PRKCB: variants seen among roughly 807,000 people sequenced by gnomAD.
PRKCB encodes protein kinase C beta.
PRKCB carries 13 observed loss-of-function variants against 81.5 expected under a neutral mutation model. The ratio of observed to expected loss-of-function variants is 0.16; its 90% confidence interval spans 0.10 to 0.25. The LOEUF (loss-of-function observed/expected upper bound fraction) is 0.25. Among genes scored for constraint, PRKCB ranks in the 10% least tolerant of loss-of-function variants. The probability of loss-of-function intolerance (pLI) is 1.00; values close to 1 mark genes in which losing one functional copy is unlikely to be tolerated. For synonymous variants in PRKCB, 335 were observed against 321.4 expected (o/e 1.04, Z -0.45); for missense variants, 509 against 875.7 (o/e 0.58, Z 5.29).
intron 3 of PRKCB, among the ~76,000 whole-genome samples, chr16:23,990,288 C>A (rs1964867239): frequency 1.3e-5 from 2 of 151,856 alleles, no homozygotes; most frequent in African/African-American, 4.8e-5. Context: ...GAAACCCCGT[C>A]TCTACTAAAA....
At position 24,190,436 on chromosome 16, in the gene PRKCB, T is replaced by G. The variant is rs1012975349; in HGVS notation, c.1723-654T>G. 3.3e-5 allele frequency among the ~76,000 whole-genome samples: 5 copies of G among 152,210 alleles called. No homozygotes were observed. The South Asian group carries it at 6.2e-4, about 19-fold the overall frequency. On this transcript the variant is annotated intron_variant, in intron 15 of 16. Transcript: ENST00000643927. ...AAATGCACTGGTAATTGCACAAAACTTATTCTTAAACCAAAATGGATAAAT... is the reference window on the plus strand; with the variant it reads ...AAATGCACTGGTAATTGCACAAAACGTATTCTTAAACCAAAATGGATAAAT...
intron 2 of PRKCB, among the ~76,000 whole-genome samples, chr16:23,952,759 GAAATGTGTGAAA>G (rs1428936807): frequency 6.6e-6 from 1 of 152,158 alleles, no homozygotes; most frequent in African/African-American, 2.4e-5. Context: ...CAAATAATCT[GAAATGTGTGAAA>G]AAATAGTAAA....
intron 16 of PRKCB, among the ~76,000 whole-genome samples, chr16:24,209,519 G>A (rs548030482): frequency 3.2e-4 from 48 of 152,120 alleles, no homozygotes; most frequent in Admixed American, 2.0e-3. Flanking sequence ...TCTCCTCCTC[G>A]TGTTCCTCTC....
In PRKCB at chr16:24,215,329, G is replaced by C; in HGVS notation, c.*513G>C. 1 of 986,090 alleles carries C rather than the reference G, an allele frequency of 1.0e-6. No homozygotes were observed. 61.1% of individuals were successfully genotyped at this position (986,090 alleles called of 1,614,324 possible). On this transcript the variant is annotated 3_prime_UTR_variant, in exon 17 of 17. Coordinates refer to ENST00000643927, the MANE Select transcript of PRKCB (RefSeq NM_002738.7). ...ACATGCTCAAAATAAAATGTTATCT[G>C]TTATTTTTGTAAACTCAAAGTTAAG...
At chr16:23,899,995 GAC>G (rs1489937729) in intron 2 of PRKCB, among the ~76,000 whole-genome samples, 1 of 152,096 alleles carries the variant, frequency 6.6e-6, no homozygotes, top group Non-Finnish European at 1.5e-5. Context: ...AAATAAGGAA[GAC>G]ACAGTTATTA....
At chr16:24,029,477 C>T (rs933074837) in intron 3 of PRKCB, among the ~76,000 whole-genome samples, 13 of 152,310 alleles carry the variant, frequency 8.5e-5, no homozygotes, top group East Asian at 5.8e-4. Context: ...CCTTCCACTA[C>T]GATTTTAAGT....
chr16:24,197,739 G>A (rs1967900389), intron 16 of PRKCB, among the ~76,000 whole-genome samples: 1 of 152,158 alleles, frequency 6.6e-6, no homozygotes. Flanking sequence ...GAACCCCCAA[G>A]TTGGCATCCT....
Position 24,148,610 on chromosome 16 carries a change from G to A in PRKCB, c.1066-6074G>A, listed in dbSNP as rs534811799. On this transcript the variant is annotated intron_variant, in intron 9 of 16. Coordinates refer to ENST00000643927, the MANE Select transcript of PRKCB (RefSeq NM_002738.7). ...ATATTGTTATTATTGATTGAAAAGA[G>A]CATGCATAACCAAACCCAAGGTGGC... 1.3e-4 allele frequency among the ~76,000 whole-genome samples: 20 copies of A among 152,296 alleles called. No individual in the cohort carries two copies. In the East Asian group the frequency reaches 3.7e-3, roughly 28 times the overall value.
intron 3 of PRKCB, among the ~76,000 whole-genome samples, chr16:24,017,532 G>A (rs1212745067): frequency 2.0e-5 from 3 of 151,918 alleles, no homozygotes; most frequent in Admixed American, 1.3e-4. Context: ...ACGCACATGC[G>A]TTATACGTTG....
At chr16:24,046,810 T>G (rs1271909274) in intron 5 of PRKCB, among the ~76,000 whole-genome samples, 1 of 152,160 alleles carries the variant, frequency 6.6e-6, no homozygotes, top group Non-Finnish European at 1.5e-5. Context: ...CCCAGGAGTA[T>G]CTGAAGGACA....
At chr16:23,997,307 G>A (rs1964972069) in intron 3 of PRKCB, among the ~76,000 whole-genome samples, 1 of 152,196 alleles carries the variant, frequency 6.6e-6, no homozygotes, top group African/African-American at 2.4e-5. Flanking sequence ...ACATCTCTTA[G>A]TATTACCATT....
intron 9 of PRKCB, among the ~76,000 whole-genome samples, chr16:24,138,000 C>T (rs1478762885): frequency 6.6e-6 from 1 of 152,182 alleles, no homozygotes; most frequent in Non-Finnish European, 1.5e-5. Flanking sequence ...AGGCATTGCT[C>T]ATTTAATCTT....
chr16:24,161,271 T>A (rs184680809), intron 10 of PRKCB, among the ~76,000 whole-genome samples: 88 of 152,246 alleles, frequency 5.8e-4, no homozygotes, highest in Admixed American at 1.0e-3. Flanking sequence ...TAATCTTATA[T>A]TGGAATAAAA....
intron 2 of PRKCB, among the ~76,000 whole-genome samples, chr16:23,894,991 A>G (rs1046085241): frequency 1.3e-5 from 2 of 152,182 alleles, no homozygotes; most frequent in African/African-American, 4.8e-5. Flanking sequence ...CAAAGGATTT[A>G]GAATATTTTT....
chr16:24,185,235 C>T (rs760614557), intron 14 of PRKCB, 44 bp downstream of exon 14: 6 of 1,541,480 alleles, frequency 3.9e-6, no homozygotes, highest in Non-Finnish European at 5.4e-6. Flanking sequence ...CCTCCCTACC[C>T]CCATCCACAT....
At chr16:24,200,675 G>A (rs1351423838) in intron 16 of PRKCB, among the ~76,000 whole-genome samples, 1 of 152,204 alleles carries the variant, frequency 6.6e-6, no homozygotes, top group Non-Finnish European at 1.5e-5. Flanking sequence ...ATGCGTGCAT[G>A]TGTGTGCATA....
chr16:24,082,522 T>G (rs1375036201), intron 5 of PRKCB, among the ~76,000 whole-genome samples: 2 of 152,192 alleles, frequency 1.3e-5, no homozygotes, highest in African/African-American at 4.8e-5. Context: ...CACAAGCCAT[T>G]GGAACACAGT....
At chr16:23,924,906 C>T (rs1052405054) in intron 2 of PRKCB, among the ~76,000 whole-genome samples, 8 of 152,110 alleles carry the variant, frequency 5.3e-5, no homozygotes, top group African/African-American at 1.9e-4. Context: ...CTCCTTAGAC[C>T]CACCCAATCA....
chr16:24,018,713 A>G (rs147215994), intron 3 of PRKCB, among the ~76,000 whole-genome samples: 157 of 152,324 alleles, frequency 1.0e-3, no homozygotes, highest in African/African-American at 3.6e-3. Context: ...AGGGCAGGGT[A>G]TATCAGGCGG....
Sources: allele counts gnomAD v4.1 joint callset (sites outside exome capture counted in the v4.1 genomes callset), GRCh38; gene constraint gnomAD v4.1.1; transcripts MANE v1.5; gene names NCBI Gene and HGNC (gene_info 2026-07-23, HGNC 2026-07-21).